NPLOC4: variants seen among roughly 807,000 people sequenced by gnomAD.
The protein encoded by NPLOC4 is NPL4 homolog, ubiquitin recognition factor.
In NPLOC4, 18 loss-of-function variants were observed where a neutral mutation model predicts 80.6. That is an observed-to-expected ratio of 0.22 (90% CI 0.15 to 0.33). The LOEUF (loss-of-function observed/expected upper bound fraction) is 0.33, where lower values mean the gene tolerates loss of function less well. Among genes scored for constraint, NPLOC4 ranks in the 10% least tolerant of loss-of-function variants. The pLI is 1.00. For synonymous variants in NPLOC4, 313 were observed against 301.5 expected, an observed-to-expected ratio of 1.04 and a Z score of -0.39; for missense variants, 540 against 786.1, an observed-to-expected ratio of 0.69 and a Z score of 3.74.
Position 81,626,423 on chromosome 17 carries a change from A to G in NPLOC4, c.96+3302T>C, listed in dbSNP as rs2035797796. Among the ~76,000 whole-genome samples, 3 of 152,336 alleles carry G rather than the reference A, an allele frequency of 2.0e-5. No individual in the cohort carries two copies. In the South Asian group the frequency reaches 6.2e-4, roughly 32 times the overall value. The stretch of plus-strand genomic sequence containing the variant: ...ATCAAATAGCAACTCCAGGAAGTTC[A>G]GCAAACTCTCTCAAGTTAAGATACA... On this transcript the variant is annotated intron_variant, in intron 2 of 16. Transcript: ENST00000331134.
At chr17:81,614,486 C>G (rs558133842) in intron 3 of NPLOC4, 1 of 152,366 alleles carries the variant, frequency 6.6e-6, no homozygotes, top group African/African-American at 2.4e-5. Context: ...CTGCCATCAT[C>G]ACCACCCCCC....
chr17:81,565,303 A>T, intron 16 of NPLOC4: 1 of 703,008 alleles, frequency 1.4e-6, no homozygotes, highest in Non-Finnish European at 2.6e-6. Flanking sequence ...TACGGCCTGG[A>T]CAACATGTCT....
intron 8 of NPLOC4, among the ~76,000 whole-genome samples, chr17:81,602,324 A>C (rs181473794): frequency 9.9e-5 from 15 of 152,262 alleles, no homozygotes; most frequent in Admixed American, 9.2e-4. Context: ...AGGCAGTAGG[A>C]TCACTTGAGG....
intron 12 of NPLOC4, among the ~76,000 whole-genome samples, chr17:81,587,476 C>G (rs982285302): frequency 6.6e-6 from 1 of 151,154 alleles, no homozygotes; most frequent in South Asian, 2.1e-4. Context: ...CCACCATGCC[C>G]GGCTAACTTT....
chr17:81,636,848 C>A, intron 1 of NPLOC4, 68 bp downstream of exon 1: 2 of 1,344,720 alleles, frequency 1.5e-6, no homozygotes, highest in Non-Finnish European at 1.9e-6. Flanking sequence ...GCCTCCCCCA[C>A]AGGCCGAGGC....
At chr17:81,596,297 T>C (rs915688731) in intron 10 of NPLOC4, 55 bp from the exon 11 acceptor site, 27 of 1,556,344 alleles carry the variant, frequency 1.7e-5, no homozygotes, top group Non-Finnish European at 2.2e-5. Context: ...AAAATATACT[T>C]CTATTTCTTC....
At chr17:81,614,373 A>G (rs1487425747) in intron 3 of NPLOC4, 2 of 151,596 alleles carry the variant, frequency 1.3e-5, no homozygotes, top group African/African-American at 4.9e-5. Flanking sequence ...GTCCACGTCT[A>G]ATTGCTATGA....
chr17:81,601,603 C>G (rs1209784959), intron 8 of NPLOC4, among the ~76,000 whole-genome samples: 1 of 152,068 alleles, frequency 6.6e-6, no homozygotes, highest in East Asian at 1.9e-4. Flanking sequence ...TGAAAGAGAC[C>G]CTTTAAAAAA....
At position 81,602,118 on chromosome 17, in the gene NPLOC4, A is replaced by C. The variant is rs184573726; in HGVS notation, c.835-1691T>G. 9.2e-4 allele frequency among the ~76,000 whole-genome samples: 140 copies of C among 152,094 alleles called. 1 individual carries two copies. The highest frequency in any genetic ancestry group is 3.3e-3 in the African/African-American group (135 of 41,470). On this transcript the variant is annotated intron_variant, in intron 8 of 16. Transcript: ENST00000331134. ...TGCTTACACTAAAAATGTCACATACAAAAAAAACAAAACTAGCCAGGCTCA... is the reference window on the plus strand; with the variant it reads ...TGCTTACACTAAAAATGTCACATACCAAAAAAACAAAACTAGCCAGGCTCA...
At chr17:81,566,812 A>G (rs917141778) in intron 15 of NPLOC4, 1 of 152,604 alleles carries the variant, frequency 6.6e-6, no homozygotes, top group Admixed American at 6.5e-5. Flanking sequence ...AGAAAAAGCC[A>G]AAGTCGGACC....
intron 3 of NPLOC4, among the ~76,000 whole-genome samples, chr17:81,620,708 C>T (rs2035640744): frequency 6.6e-6 from 1 of 152,064 alleles, no homozygotes; most frequent in South Asian, 2.1e-4. Context: ...GGCCAAGCAA[C>T]AGAAGAGAAG....
chr17:81,589,230 T>A, intron 11 of NPLOC4, 126 bp from the exon 12 acceptor site: 2 of 823,528 alleles, frequency 2.4e-6, no homozygotes, highest in Non-Finnish European at 3.7e-6. Context: ...GGGTAAGAGT[T>A]AAAAAATGTT....
chr17:81,576,398 T>C (rs2034301916), intron 12 of NPLOC4, among the ~76,000 whole-genome samples: 1 of 152,070 alleles, frequency 6.6e-6, no homozygotes, highest in African/African-American at 2.4e-5. Flanking sequence ...ATTCGAGGGC[T>C]AGGAAACTCA....
chr17:81,579,829 T>C (rs1286646864), intron 12 of NPLOC4, among the ~76,000 whole-genome samples: 1 of 152,076 alleles, frequency 6.6e-6, no homozygotes, highest in East Asian at 1.9e-4. Context: ...TCCCTGGCAG[T>C]GAAACCCCCC....
At chr17:81,605,824 CTTTT>C (rs766106515) in intron 7 of NPLOC4, among the ~76,000 whole-genome samples, 10 of 141,068 alleles carry the variant, frequency 7.1e-5, no homozygotes, top group Non-Finnish European at 1.4e-4. Flanking sequence ...AACACATTTT[CTTTT>C]TTTTTTTTTT....
rs570075972 is a variant in NPLOC4 at position 81,614,980 on chromosome 17, GAC to G, written c.210-1488_210-1487del. Among the ~76,000 whole-genome samples, 18 of 152,220 alleles carry G rather than the reference GAC, an allele frequency of 1.2e-4. No individual in the cohort carries two copies. The South Asian group carries it at 3.7e-3, about 32-fold the overall frequency. ...AGAGGCCAAAGTGCAGGCCCTCAAGGACACACAGACACTGGGGCTCAGGTGCA... is the reference window on the plus strand; with the variant it reads ...AGAGGCCAAAGTGCAGGCCCTCAAGGACACAGACACTGGGGCTCAGGTGCA... On this transcript the variant is annotated intron_variant, in intron 3 of 16. Coordinates refer to ENST00000331134, the MANE Select transcript of NPLOC4 (RefSeq NM_017921.4).
At chr17:81,594,072 G>C (rs1313875684) in intron 11 of NPLOC4, among the ~76,000 whole-genome samples, 1 of 151,852 alleles carries the variant, frequency 6.6e-6, no homozygotes, top group African/African-American at 2.4e-5. Flanking sequence ...AGGAGATCGA[G>C]ACCATCCTGG....
Position 81,567,561 on chromosome 17 carries a change from T to G in NPLOC4, c.1450-28A>C. 2.2e-6 allele frequency: 3 copies of G among 1,363,670 alleles called. No homozygotes were observed. The highest frequency in any genetic ancestry group is 3.1e-6 in the Non-Finnish European group (3 of 961,006). 84.5% of individuals were successfully genotyped at this position (1,363,670 alleles called of 1,614,324 possible). Reference sequence around the variant, plus strand: ...AGAGGAATGGGAATAAACATGAATGTTCCATACAGTTCCCCAGTGCCAGAC... The same window carrying G: ...AGAGGAATGGGAATAAACATGAATGGTCCATACAGTTCCCCAGTGCCAGAC... On this transcript the variant is annotated intron_variant, in intron 14 of 16. Coordinates refer to ENST00000331134, the MANE Select transcript of NPLOC4 (RefSeq NM_017921.4). The surrounding 1 kb of genome is among the most constrained non-coding windows in gnomAD (Gnocchi z 4.5).
intron 2 of NPLOC4, among the ~76,000 whole-genome samples, chr17:81,628,205 C>T (rs1297149237): frequency 6.7e-6 from 1 of 149,178 alleles, no homozygotes; most frequent in Non-Finnish European, 1.5e-5. Flanking sequence ...AGCGAGACTC[C>T]CTCTCATAAA....
Sources: allele counts gnomAD v4.1 joint callset (sites outside exome capture counted in the v4.1 genomes callset), GRCh38; gene constraint gnomAD v4.1.1; non-coding constraint Gnocchi (gnomAD v3.1); transcripts MANE v1.5; gene names NCBI Gene and HGNC (gene_info 2026-07-23, HGNC 2026-07-21).